KIAA1549L: variants seen among roughly 807,000 people sequenced by gnomAD.
The protein encoded by KIAA1549L is KIAA1549 like, also known as UPF0606 protein KIAA1549L.
A neutral mutation model predicts 160.7 loss-of-function variants in KIAA1549L; 88 were observed. The observed-to-expected ratio is 0.55, with a 90% CI of 0.46 to 0.65. KIAA1549L has a LOEUF of 0.65. Among genes scored for constraint, KIAA1549L ranks in the 30% least tolerant of loss-of-function variants. KIAA1549L has a pLI of 0.00. For synonymous variants in KIAA1549L, 950 were observed against 976.7 expected, an observed-to-expected ratio of 0.97 and a Z score of 0.51; for missense variants, 2,258 against 2,437.5, an observed-to-expected ratio of 0.93 and a Z score of 1.55.
At chr11:33,512,579 C>A (rs1019905018) in intron 1 of KIAA1549L, among the ~76,000 whole-genome samples, 8 of 152,020 alleles carry the variant, frequency 5.3e-5, no homozygotes, top group African/African-American at 9.7e-5. Flanking sequence ...CCTGCTACCA[C>A]CCCCAGATAA....
At chr11:33,664,574 G>C (rs7930296) in intron 20 of KIAA1549L, among the ~76,000 whole-genome samples, 2,300 of 152,290 alleles carry the variant, frequency 0.015, 66 homozygotes, top group African/African-American at 0.053. Flanking sequence ...GAGGTGATTA[G>C]GTCATGAGGG....
chr11:33,615,140 TAAATG>T (rs2133342610), intron 15 of KIAA1549L, among the ~76,000 whole-genome samples: 1 of 152,156 alleles, frequency 6.6e-6, no homozygotes, highest in East Asian at 1.9e-4. Context: ...ACCTCCCAAA[TAAATG>T]ACTTACACTC....
chr11:33,657,901 T>C (rs1250156374), intron 18 of KIAA1549L, among the ~76,000 whole-genome samples: 1 of 152,254 alleles, frequency 6.6e-6, no homozygotes, highest in Admixed American at 6.5e-5. Context: ...TGACAGCCAC[T>C]GCTTAGCTCA....
At chr11:33,497,873 G>T (rs1477569192) in intron 1 of KIAA1549L, among the ~76,000 whole-genome samples, 2 of 152,212 alleles carry the variant, frequency 1.3e-5, no homozygotes, top group Non-Finnish European at 1.5e-5. Context: ...GCCAGATCTT[G>T]GTGTTTATTT....
In KIAA1549L at chr11:33,568,065, T is replaced by C. The variant is rs570942374; in HGVS notation, c.4079-11T>C. 7 of 1,598,412 alleles carry C rather than the reference T, an allele frequency of 4.4e-6. No individual in the cohort carries two copies. The Admixed American group carries it at 1.0e-4, about 24-fold the overall frequency. On this transcript the variant is annotated splice_polypyrimidine_tract_variant and intron_variant, in intron 8 of 20. Transcript: ENST00000658780. ...CCTTCTGAGCCTCTGCTCTGCCTTCTGCATCCACAGTGCTGCAGGGTGTGG... is the reference window on the plus strand; with the variant it reads ...CCTTCTGAGCCTCTGCTCTGCCTTCCGCATCCACAGTGCTGCAGGGTGTGG...
intron 18 of KIAA1549L, among the ~76,000 whole-genome samples, chr11:33,657,634 T>TA (rs1426063520): frequency 6.6e-6 from 1 of 151,984 alleles, no homozygotes; most frequent in Non-Finnish European, 1.5e-5. Flanking sequence ...CCGTCTACAC[T>TA]AAAAATACAA....
intron 11 of KIAA1549L, among the ~76,000 whole-genome samples, chr11:33,584,830 G>T (rs1350322015): frequency 6.6e-6 from 1 of 152,138 alleles, no homozygotes; most frequent in Admixed American, 6.5e-5. Context: ...CCTGAGATTT[G>T]GCAGGTAGAA....
At chr11:33,633,388 G>C (rs1313924713) in intron 16 of KIAA1549L, among the ~76,000 whole-genome samples, 1 of 152,036 alleles carries the variant, frequency 6.6e-6, no homozygotes, top group Non-Finnish European at 1.5e-5. Context: ...AGCTCGGGAA[G>C]TCCAGGCTAC....
At chr11:33,585,699 A>G (rs1590369746) in intron 11 of KIAA1549L, among the ~76,000 whole-genome samples, 2 of 152,192 alleles carry the variant, frequency 1.3e-5, no homozygotes, top group African/African-American at 4.8e-5. Context: ...AGATTAAACC[A>G]AAATTGTACT....
chr11:33,507,442 C>T (rs1454650158), intron 1 of KIAA1549L, among the ~76,000 whole-genome samples: 1 of 152,146 alleles, frequency 6.6e-6, no homozygotes, highest in Non-Finnish European at 1.5e-5. Context: ...AACATTTTTG[C>T]AGCTTTGATC....
intron 1 of KIAA1549L, among the ~76,000 whole-genome samples, chr11:33,428,632 A>G (rs1181485844): frequency 1.3e-5 from 2 of 152,170 alleles, no homozygotes; most frequent in Admixed American, 1.3e-4. Flanking sequence ...ACATTAACTC[A>G]TCCTTTTTTA....
In KIAA1549L at chr11:33,671,671, A is replaced by G. The variant is rs1236029355; in HGVS notation, c.*3517A>G. The G allele has an allele frequency of 1.3e-5, 2 of 152,022 alleles. No homozygotes were observed. Among genetic ancestry groups the G allele is most frequent in the Non-Finnish European group, 2.9e-5 (2 of 68,010 alleles). 9.4% of individuals were successfully genotyped at this position (152,022 alleles called of 1,614,324 possible). On this transcript the variant is annotated 3_prime_UTR_variant, in exon 21 of 21. Coordinates refer to ENST00000658780, the MANE Select transcript of KIAA1549L (RefSeq NM_012194.3). ...AGGAGGTGAGGAATTTAACTAATAG[A>G]GATGCTTTTTCTAACAGGCAGAAAT...
chr11:33,450,725 G>A (rs1565142675), intron 1 of KIAA1549L: 2 of 152,244 alleles, frequency 1.3e-5, no homozygotes, highest in Non-Finnish European at 2.9e-5. Context: ...TATGCTGGAC[G>A]GGACCATAAC....
chr11:33,607,816 C>T (rs1473567512), intron 14 of KIAA1549L, among the ~76,000 whole-genome samples: 1 of 152,158 alleles, frequency 6.6e-6, no homozygotes, highest in Non-Finnish European at 1.5e-5. Context: ...GGAAGCAACT[C>T]TTGTTTTCTG....
chr11:33,428,828 G>A (rs1026455655), intron 1 of KIAA1549L, among the ~76,000 whole-genome samples: 2 of 152,160 alleles, frequency 1.3e-5, no homozygotes, highest in African/African-American at 2.4e-5. Context: ...TAGTGGGATC[G>A]CTGGGTCAAA....
At chr11:33,522,946 T>C (rs1052034717) in intron 1 of KIAA1549L, among the ~76,000 whole-genome samples, 7 of 152,184 alleles carry the variant, frequency 4.6e-5, no homozygotes, top group African/African-American at 1.7e-4. Flanking sequence ...TATAGCATTT[T>C]ACAGTTTTCT....
In KIAA1549L at chr11:33,542,993, C is replaced by A. The variant is rs371069857; in HGVS notation, c.1430C>A (p.Thr477Asn). The change falls in exon 2 of 21, where the codon ACC becomes AAC. Residue 477 changes from threonine (T) to asparagine (N), a missense_variant. Physicochemically the swap from Thr to Asn is moderately conservative, Grantham distance 65. Around this residue, in one of 6 missense-constraint regions of KIAA1549L, gnomAD observed 540 missense variants for 465.7 expected, o/e 1.16. Transcript: ENST00000658780. Reference protein sequence around the residue: ...TSSLVPSLHITTLGQEQAILS... With the variant: ...TSSLVPSLHINTLGQEQAILS... ...TCTTTGGTGCCTTCTCTGCATATCACCACACTGGGTCAAGAGCAAGCCATC... is the reference window on the plus strand; with the variant it reads ...TCTTTGGTGCCTTCTCTGCATATCAACACACTGGGTCAAGAGCAAGCCATC... 6 of 1,613,922 alleles carry A rather than the reference C, an allele frequency of 3.7e-6. No homozygotes were observed. The highest frequency in any genetic ancestry group is 1.6e-4 in the Middle Eastern group (1 of 6,084).
chr11:33,475,173 G>C (rs184790555), intron 1 of KIAA1549L, among the ~76,000 whole-genome samples: 1 of 152,136 alleles, frequency 6.6e-6, no homozygotes. Flanking sequence ...TCCTCACCTC[G>C]TCTTTTCTTT....
chr11:33,461,321 A>T (rs1013309687), intron 1 of KIAA1549L, among the ~76,000 whole-genome samples: 1 of 152,192 alleles, frequency 6.6e-6, no homozygotes, highest in African/African-American at 2.4e-5. Flanking sequence ...CAGCTGTTAC[A>T]GCAGCACCGC....
Sources: gnomAD v4.1 joint callset for allele counts (sites outside exome capture counted in the v4.1 genomes callset) on GRCh38, gnomAD v4.1.1 for gene constraint, gnomAD v4.1.1 regional missense constraint, MANE v1.5 for transcripts, NCBI Gene and HGNC (gene_info 2026-07-23, HGNC 2026-07-21) for gene names.